The following MS4A15 variants were observed in gnomAD, a reference collection of about 807,000 sequenced individuals.
The protein encoded by MS4A15 is membrane-spanning 4-domains subfamily A member 15.
A neutral mutation model predicts 20.6 loss-of-function variants in MS4A15; 22 were observed. That is an observed-to-expected ratio of 1.07 (90% CI 0.76 to 1.52). The LOEUF (loss-of-function observed/expected upper bound fraction) is 1.52. Ranked by LOEUF, MS4A15 falls within the 40% of genes most tolerant of loss-of-function variation. MS4A15 has a pLI of 0.00. For missense variants in MS4A15, 312 were observed against 323.0 expected (o/e 0.97, Z 0.26); for synonymous variants, 129 against 129.3 (o/e 1.00, Z 0.02).
At position 60,776,139 on chromosome 11, in the gene MS4A15, T is replaced by C. The variant is rs1438047733; in HGVS notation, c.*424T>C. The stretch of plus-strand genomic sequence containing the variant: ...GTCTGACTCTGGCATTCCACAGAGG[T>C]GCCGATACCAGGCCAAGGCCTCACA... On this transcript the variant is annotated 3_prime_UTR_variant, in exon 7 of 7. Transcript: ENST00000405633. 1 of 156,576 alleles carries C rather than the reference T, an allele frequency of 6.4e-6. No homozygotes were observed. Among genetic ancestry groups the C allele is most frequent in the Non-Finnish European group, 1.4e-5 (1 of 70,708 alleles). The allele number at this position is 156,576 out of a possible 1,614,324, so 9.7% of individuals were successfully genotyped here.
At chr11:60,771,443 TC>T in intron 4 of MS4A15, 96 bp downstream of exon 4, 1 of 1,573,084 alleles carries the variant, frequency 6.4e-7, no homozygotes. Context: ...TTCAGCTCAT[TC>T]CCCAGCACTT....
At chr11:60,761,802 C>T (rs1212181132) in intron 1 of MS4A15, among the ~76,000 whole-genome samples, 9 of 152,182 alleles carry the variant, frequency 5.9e-5, no homozygotes, top group African/African-American at 1.9e-4. Flanking sequence ...ATTTGTACTA[C>T]GCACTCTTAT....
At position 60,764,785 on chromosome 11, in the gene MS4A15, T is replaced by C. The variant is rs912576048; in HGVS notation, c.225+827T>C. ...TTAGCTGGGTGTGGAGCCGTGTGCC[T>C]GTAGTCCCAGCTACTCGGGAGGCTG... On this transcript the variant is annotated intron_variant, in intron 2 of 6. Transcript: ENST00000405633. 3.3e-5 allele frequency among the ~76,000 whole-genome samples: 5 copies of C among 152,100 alleles called. No individual in the cohort carries two copies. The East Asian group carries it at 9.7e-4, about 29-fold the overall frequency.
chr11:60,761,779 T>G (rs1565068850), intron 1 of MS4A15, among the ~76,000 whole-genome samples: 1 of 152,266 alleles, frequency 6.6e-6, no homozygotes, highest in South Asian at 2.1e-4. Context: ...ATAATGTTAC[T>G]GACATAGTTG....
intron 4 of MS4A15, among the ~76,000 whole-genome samples, chr11:60,772,993 A>G (rs1165345378): frequency 3.3e-5 from 5 of 152,180 alleles, no homozygotes; most frequent in Non-Finnish European, 7.4e-5. Context: ...TCCACAGCAA[A>G]GAGCCTCCCC....
chr11:60,775,015 G>A (rs527896132), intron 6 of MS4A15, among the ~76,000 whole-genome samples: 2 of 152,284 alleles, frequency 1.3e-5, no homozygotes, highest in Admixed American at 6.5e-5. Flanking sequence ...CAGGGCAGTC[G>A]GGAGAGAAAG....
intron 2 of MS4A15, 55 bp downstream of exon 2, chr11:60,764,013 G>C: frequency 6.8e-7 from 1 of 1,474,982 alleles, no homozygotes; most frequent in Non-Finnish European, 9.2e-7. Flanking sequence ...CCCAGCACCG[G>C]AACATTCATG....
chr11:60,773,278 C>A, intron 4 of MS4A15, 114 bp from the exon 5 acceptor site: 1 of 746,802 alleles, frequency 1.3e-6, no homozygotes, highest in Admixed American at 2.5e-5. Flanking sequence ...GTGGCCACTG[C>A]CTCCTTGGCT....
chr11:60,774,968 C>A (rs1854149894), intron 6 of MS4A15, among the ~76,000 whole-genome samples: 1 of 152,144 alleles, frequency 6.6e-6, no homozygotes, highest in Non-Finnish European at 1.5e-5. Context: ...GCTGGTGCCA[C>A]GGTGCAGGCA....
intron 5 of MS4A15, 27 bp from the exon 6 acceptor site, chr11:60,773,810 C>T (rs758904354): frequency 2.5e-5 from 40 of 1,596,830 alleles, no homozygotes; most frequent in South Asian, 3.3e-5. Context: ...ACTCTGGGCT[C>T]ACCTTTCTGT....
intron 3 of MS4A15, among the ~76,000 whole-genome samples, chr11:60,770,609 TA>T (rs780040224): frequency 1.5e-3 from 196 of 133,546 alleles, no homozygotes; most frequent in East Asian, 4.6e-3. Flanking sequence ...GAAAATAAAA[TA>T]AAAAAAAAAA....
chr11:60,767,679 G>A (rs754605925), intron 3 of MS4A15, 24 bp downstream of exon 3: 13 of 1,525,368 alleles, frequency 8.5e-6, no homozygotes, highest in Non-Finnish European at 1.1e-5. Context: ...CCATGGAGAG[G>A]GAGGGTAGGG....
In MS4A15 at chr11:60,763,696, A is replaced by G; in HGVS notation, c.-28-10A>G. ...GGTGACAATCATCATTGCCATTATTATCTCCCAAGCCTTTGTTTCCCAGGC... is the reference window on the plus strand; with the variant it reads ...GGTGACAATCATCATTGCCATTATTGTCTCCCAAGCCTTTGTTTCCCAGGC... On this transcript the variant is annotated splice_polypyrimidine_tract_variant and intron_variant, in intron 1 of 6. Coordinates refer to ENST00000405633, the MANE Select transcript of MS4A15 (RefSeq NM_001098835.2). The G allele has an allele frequency of 1.2e-6, 2 of 1,602,548 alleles. No individual in the cohort carries two copies. Among genetic ancestry groups the G allele is most frequent in the Middle Eastern group, 2.3e-4 (1 of 4,406 alleles).
rs1854192463 is a variant in MS4A15, at chr11:60,776,309, C to T, written c.*594C>T. The T allele has an allele frequency of 6.6e-6, 1 of 152,322 alleles. No individual in the cohort carries two copies. The highest frequency in any genetic ancestry group is 1.9e-4 in the East Asian group (1 of 5,198). The allele number at this position is 152,322 out of a possible 1,614,324, so 9.4% of individuals were successfully genotyped here. ...TAAGGTTCATCAGGCCCTTCCAGCT[C>T]CCCAGGCTCCCTGAAGTCCTGGGTC... On this transcript the variant is annotated 3_prime_UTR_variant, in exon 7 of 7. Coordinates refer to ENST00000405633, the MANE Select transcript of MS4A15 (RefSeq NM_001098835.2).
intron 1 of MS4A15, among the ~76,000 whole-genome samples, chr11:60,761,537 C>T (rs1308872114): frequency 6.6e-6 from 1 of 152,112 alleles, no homozygotes; most frequent in Non-Finnish European, 1.5e-5. Flanking sequence ...GATTGGAGTC[C>T]CCATGGTTAT....
At chr11:60,775,309 C>T (rs577629066) in intron 6 of MS4A15, among the ~76,000 whole-genome samples, 1 of 120,224 alleles carries the variant, frequency 8.3e-6, no homozygotes, top group Admixed American at 9.3e-5. Flanking sequence ...AAGAGCAAAA[C>T]TCTGTCTCAA....
intron 5 of MS4A15, 87 bp downstream of exon 5, chr11:60,773,571 C>A: frequency 1.6e-6 from 2 of 1,258,916 alleles, no homozygotes; most frequent in Non-Finnish European, 2.3e-6. Context: ...GAGTTTGCAG[C>A]GCCAGGACGT....
In MS4A15 at chr11:60,772,264, G is replaced by C. The variant is rs55954483; in HGVS notation, c.405+917G>C. On this transcript the variant is annotated intron_variant, in intron 4 of 6. Coordinates refer to ENST00000405633, the MANE Select transcript of MS4A15 (RefSeq NM_001098835.2). ...GGAGAGGCCGGGGAGGTGACTCAGA[G>C]CCTAAATGCCAAGTTCAGGATTTGT... Among the ~76,000 whole-genome samples the C allele has an allele frequency of 6.6e-3, 1,008 of 152,302 alleles. 7 individuals are homozygous for C. The highest frequency in any genetic ancestry group is 0.011 in the Non-Finnish European group (751 of 68,028).
chr11:60,758,402 TTA>T (rs957940206), intron 1 of MS4A15, among the ~76,000 whole-genome samples: 2 of 152,222 alleles, frequency 1.3e-5, no homozygotes, highest in African/African-American at 4.8e-5. Context: ...ACCAAACTTC[TTA>T]TGTTACAATT....
Sources: gnomAD v4.1 joint callset for allele counts (sites outside exome capture counted in the v4.1 genomes callset) on GRCh38, gnomAD v4.1.1 for gene constraint, MANE v1.5 for transcripts, NCBI Gene and HGNC (gene_info 2026-07-23, HGNC 2026-07-21) for gene names.